PKN2: variants seen among roughly 807,000 people sequenced by gnomAD.
PKN2 encodes protein kinase N2, also known as serine/threonine-protein kinase N2.
Under a neutral mutation model 119.1 loss-of-function variants are expected in PKN2, and 38 were observed. That is an observed-to-expected ratio of 0.32 (90% CI 0.25 to 0.42). The LOEUF (loss-of-function observed/expected upper bound fraction) is 0.42. PKN2 is among the 10% of genes least tolerant of loss of function. The pLI, the probability that PKN2 is intolerant of heterozygous loss-of-function variation, is 1.00. For missense variants in PKN2, 850 were observed against 1,165.1 expected, an observed-to-expected ratio of 0.73 and a Z score of 3.94; for synonymous variants, 390 against 384.9, an observed-to-expected ratio of 1.01 and a Z score of -0.15.
intron 15 of PKN2, 58 bp from the exon 16 acceptor site, chr1:88,813,499 G>A: frequency 8.3e-7 from 1 of 1,207,848 alleles, no homozygotes; most frequent in Non-Finnish European, 1.1e-6. Context: ...TATAAAGAAT[G>A]TTATTTCCAA....
At chr1:88,821,161 T>G (rs1672273972) in intron 16 of PKN2, among the ~76,000 whole-genome samples, 1 of 152,214 alleles carries the variant, frequency 6.6e-6, no homozygotes, top group African/African-American at 2.4e-5. Flanking sequence ...AAAGTTACCT[T>G]TAGTTCTTCC....
chr1:88,751,531 T>C (rs979387336), intron 2 of PKN2, among the ~76,000 whole-genome samples: 1 of 152,128 alleles, frequency 6.6e-6, no homozygotes, highest in Non-Finnish European at 1.5e-5. Flanking sequence ...AAATAACTTG[T>C]ATAGTTTGTT....
At chr1:88,767,910 T>TA (rs1427441241) in intron 3 of PKN2, among the ~76,000 whole-genome samples, 1 of 152,180 alleles carries the variant, frequency 6.6e-6, no homozygotes, top group Admixed American at 6.5e-5. Context: ...ATTGAAATAA[T>TA]ACTGCCGTCA....
In PKN2 at chr1:88,828,465, A is replaced by G; in HGVS notation, c.2420-16A>G. On this transcript the variant is annotated splice_polypyrimidine_tract_variant and intron_variant, in intron 18 of 21. Coordinates refer to ENST00000370521, the MANE Select transcript of PKN2 (RefSeq NM_006256.4). Reference sequence around the variant, plus strand: ...GTTTTCTTTGCTAACAAATGTTTACATTTTATCTTTTCCAGGAATGGGATA... The same window carrying G: ...GTTTTCTTTGCTAACAAATGTTTACGTTTTATCTTTTCCAGGAATGGGATA... The G allele has an allele frequency of 6.3e-7, 1 of 1,577,640 alleles. No individual in the cohort carries two copies. The highest frequency in any genetic ancestry group is 8.7e-7 in the Non-Finnish European group (1 of 1,155,122).
chr1:88,720,644 A>G (rs1667639128), intron 1 of PKN2, among the ~76,000 whole-genome samples: 1 of 152,080 alleles, frequency 6.6e-6, no homozygotes. Context: ...TATTATTTCA[A>G]CAGATTTTGG....
At chr1:88,754,785 A>G (rs894164845) in intron 2 of PKN2, among the ~76,000 whole-genome samples, 1 of 152,194 alleles carries the variant, frequency 6.6e-6, no homozygotes, top group African/African-American at 2.4e-5. Flanking sequence ...ATGCAACTTT[A>G]TGGGCTTAAC....
At chr1:88,795,712 C>A (rs562061254) in intron 8 of PKN2, among the ~76,000 whole-genome samples, 37 of 152,338 alleles carry the variant, frequency 2.4e-4, no homozygotes, top group African/African-American at 8.4e-4. Flanking sequence ...GCATCTCTCA[C>A]CAAAGTCAAG....
chr1:88,788,632 A>G lies in PKN2; in HGVS notation c.1281+2419A>G, dbSNP rs970407347. ...GTCTAATTTTGTATTTTTAGTAGAG[A>G]TGGGGGTTCTCCATGTTGGTCAGGC... is the stretch of plus-strand genomic sequence containing the variant. On this transcript the variant is annotated intron_variant, in intron 8 of 21. Coordinates refer to ENST00000370521, the MANE Select transcript of PKN2 (RefSeq NM_006256.4). Among the ~76,000 whole-genome samples, 34 of 151,946 alleles carry G rather than the reference A, an allele frequency of 2.2e-4. 1 individual carries two copies. Among genetic ancestry groups the G allele is most frequent in the Admixed American group, 1.6e-3 (25 of 15,252 alleles).
intron 3 of PKN2, among the ~76,000 whole-genome samples, chr1:88,770,073 A>G (rs914363525): frequency 6.6e-6 from 1 of 152,228 alleles, no homozygotes; most frequent in South Asian, 2.1e-4. Context: ...CTGCAAGTAT[A>G]TACAATAAAA....
intron 1 of PKN2, among the ~76,000 whole-genome samples, chr1:88,685,443 A>G (rs1456270113): frequency 6.6e-6 from 1 of 152,278 alleles, no homozygotes; most frequent in African/African-American, 2.4e-5. Context: ...TGGGCACCAC[A>G]TGTCTGCAAA....
intron 2 of PKN2, among the ~76,000 whole-genome samples, chr1:88,753,929 A>G (rs1447096568): frequency 6.6e-6 from 1 of 152,154 alleles, no homozygotes; most frequent in Non-Finnish European, 1.5e-5. Context: ...CTGTCATTTC[A>G]CCTTCTTCCA....
At position 88,771,432 on chromosome 1, in the gene PKN2, A is replaced by G. The variant is rs763943376; in HGVS notation, c.634A>G (p.Ile212Val). Residue 212 changes from isoleucine to valine, a missense_variant, in exon 5 of 22, where the codon ATA (isoleucine) becomes GTA (valine). By Grantham distance (29) the Ile-to-Val change is conservative. Transcript: ENST00000370521. ...TTTTTCCTTTCTAGCAAAACCTGTG[A>G]TAAGTCCTCTTGAACTTCGGATGGA... ...ELAFDNAKPV[I>V]SPLELRMEEL... is the part of the protein sequence containing the mutation. The G allele has an allele frequency of 1.1e-5, 18 of 1,594,000 alleles. No homozygotes were observed. In the South Asian group the frequency reaches 1.8e-4, roughly 16 times the overall value.
intron 8 of PKN2, among the ~76,000 whole-genome samples, chr1:88,792,486 A>G (rs1208745456): frequency 1.3e-5 from 2 of 152,168 alleles, no homozygotes; most frequent in Non-Finnish European, 2.9e-5. Context: ...TGAGCTGTAT[A>G]GTTGACCCTT....
At chr1:88,730,412 C>A (rs1668102006) in intron 1 of PKN2, among the ~76,000 whole-genome samples, 1 of 152,188 alleles carries the variant, frequency 6.6e-6, no homozygotes, top group Non-Finnish European at 1.5e-5. Flanking sequence ...TTCTGCTCTG[C>A]CATCCTTAGT....
chr1:88,818,772 C>G (rs1672123991), intron 16 of PKN2, among the ~76,000 whole-genome samples: 1 of 152,140 alleles, frequency 6.6e-6, no homozygotes, highest in Admixed American at 6.5e-5. Flanking sequence ...TACCTGATTT[C>G]AAACTATACT....
intron 2 of PKN2, among the ~76,000 whole-genome samples, chr1:88,742,711 CA>C (rs1668622864): frequency 6.7e-6 from 1 of 149,668 alleles, no homozygotes; most frequent in Non-Finnish European, 1.5e-5. Context: ...CCAAACTCTA[CA>C]TTTTTTTTTT....
Position 88,684,607 on chromosome 1 carries a change from G to C in PKN2, c.27G>C (p.Glu9Asp). 1 of 1,564,578 alleles carries C rather than the reference G, an allele frequency of 6.4e-7. No homozygotes were observed. The highest frequency in any genetic ancestry group is 8.7e-7 in the Non-Finnish European group (1 of 1,155,884). The change falls in exon 1 of 22, where the codon GAG (glutamate) becomes GAC (aspartate). Residue 9 changes from glutamate to aspartate, a missense_variant. Transcript: ENST00000370521. Reference sequence around the variant, plus strand: ...TGGCGTCCAACCCCGAACGGGGGGAGATTCTGCTCACGGAACTGCAGGTAA... The same window carrying C: ...TGGCGTCCAACCCCGAACGGGGGGACATTCTGCTCACGGAACTGCAGGTAA... Reference protein sequence around the residue: MASNPERGEILLTELQGDS... With the variant: MASNPERGDILLTELQGDS...
chr1:88,714,546 T>G (rs1667368977), intron 1 of PKN2, among the ~76,000 whole-genome samples: 1 of 152,052 alleles, frequency 6.6e-6, no homozygotes, highest in Non-Finnish European at 1.5e-5. Context: ...TTGAAGCAAT[T>G]GTGAATGGGA....
chr1:88,726,558 G>T (rs1044033565), intron 1 of PKN2, among the ~76,000 whole-genome samples: 2 of 151,934 alleles, frequency 1.3e-5, no homozygotes, highest in African/African-American at 4.8e-5. Context: ...TTTTTCTTCG[G>T]TACTATATTC....
Sources: allele counts gnomAD v4.1 joint callset (sites outside exome capture counted in the v4.1 genomes callset), GRCh38; gene constraint gnomAD v4.1.1; transcripts MANE v1.5; gene names NCBI Gene and HGNC (gene_info 2026-07-23, HGNC 2026-07-21).